KYNU: variants seen among roughly 807,000 people sequenced by gnomAD.
The protein encoded by KYNU is kynureninase, also known as L-kynurenine hydrolase.
In KYNU, 54 loss-of-function variants were observed where a neutral mutation model predicts 59.2. That is an observed-to-expected ratio of 0.91 (90% CI 0.73 to 1.14). KYNU has a LOEUF of 1.14. Ranked by LOEUF, KYNU falls within the 50% of genes most tolerant of loss-of-function variation. The pLI is 0.00. For synonymous variants in KYNU, 177 were observed against 192.0 expected (o/e 0.92, Z 0.65); for missense variants, 567 against 554.4 (o/e 1.02, Z -0.23).
At position 142,954,996 on chromosome 2, in the gene KYNU, T is replaced by G. The variant is rs74599345; in HGVS notation, c.435+125T>G. The stretch of plus-strand genomic sequence containing the variant: ...AAAATAAATTGTGAGGTTATTTTCA[T>G]TTTTACTAGGAAATGCTGGACCATG... On this transcript the variant is annotated intron_variant, in intron 5 of 13. Transcript: ENST00000264170. 6 of 673,458 alleles carry G rather than the reference T, an allele frequency of 8.9e-6. No homozygotes were observed. In the African/African-American group the frequency reaches 1.1e-4, roughly 12 times the overall value. The allele number at this position is 673,458 out of a possible 1,614,324, so 41.7% of individuals were successfully genotyped here.
intron 2 of KYNU, among the ~76,000 whole-genome samples, chr2:142,908,669 C>G (rs577769199): frequency 1.3e-4 from 19 of 151,074 alleles, no homozygotes; most frequent in African/African-American, 4.6e-4. Context: ...GAGTCTTGCT[C>G]TGTTGCCCAG....
chr2:142,972,674 G>A (rs1684759105), intron 8 of KYNU, among the ~76,000 whole-genome samples: 1 of 151,926 alleles, frequency 6.6e-6, no homozygotes, highest in Non-Finnish European at 1.5e-5. Context: ...GTAAAGGCTA[G>A]AATTTGTGTC....
At chr2:142,902,973 T>C (rs1298129609) in intron 2 of KYNU, among the ~76,000 whole-genome samples, 1 of 152,130 alleles carries the variant, frequency 6.6e-6, no homozygotes, top group Non-Finnish European at 1.5e-5. Flanking sequence ...TCCAGGACTG[T>C]AAACCACTCT....
At chr2:142,936,410 T>TTA (rs1683391840) in intron 4 of KYNU, among the ~76,000 whole-genome samples, 1 of 151,936 alleles carries the variant, frequency 6.6e-6, no homozygotes, top group Non-Finnish European at 1.5e-5. Flanking sequence ...GTTTGCAGGG[T>TTA]TCTTTTATGA....
chr2:142,960,516 A>AG, intron 7 of KYNU, 108 bp from the exon 8 acceptor site: 1 of 988,186 alleles, frequency 1.0e-6, no homozygotes, highest in East Asian at 2.6e-5. Flanking sequence ...CTGAAAAAAA[A>AG]AACTATTTTA....
chr2:142,994,360 C>A (rs1215887000), intron 10 of KYNU, among the ~76,000 whole-genome samples: 2 of 152,062 alleles, frequency 1.3e-5, no homozygotes, highest in Non-Finnish European at 2.9e-5. Context: ...AACTTCTAAA[C>A]CACGTGATCC....
At position 143,042,032 on chromosome 2, in the gene KYNU, A is replaced by AT. The variant is rs1558989787; in HGVS notation, c.1273-9dup. On this transcript the variant is annotated splice_polypyrimidine_tract_variant and intron_variant, in intron 13 of 13. Transcript: ENST00000264170. ...ATAATGCTAACATTATTGTGGCTTT[A>AT]TTTTTTCCCCACAGTGTGACAAGCG... 6.2e-7 allele frequency: 1 copy of AT among 1,610,910 alleles called. No homozygotes were observed. Among genetic ancestry groups the AT allele is most frequent in the Non-Finnish European group, 8.5e-7 (1 of 1,177,864 alleles).
chr2:142,986,168 A>T, intron 10 of KYNU, 147 bp downstream of exon 10: 1 of 632,274 alleles, frequency 1.6e-6, no homozygotes, highest in Non-Finnish European at 2.9e-6. Flanking sequence ...TAACAACAAT[A>T]TACTTCATTT....
chr2:143,022,147 T>C (rs1686428742), intron 10 of KYNU, among the ~76,000 whole-genome samples: 1 of 152,182 alleles, frequency 6.6e-6, no homozygotes, highest in East Asian at 1.9e-4. Flanking sequence ...ACTTCGGTGT[T>C]GCTAAATCAG....
chr2:142,929,916 G>C (rs925306989), intron 4 of KYNU, among the ~76,000 whole-genome samples: 1 of 152,160 alleles, frequency 6.6e-6, no homozygotes, highest in African/African-American at 2.4e-5. Flanking sequence ...TAGTCTCTCA[G>C]TTCATCTCTT....
intron 4 of KYNU, among the ~76,000 whole-genome samples, chr2:142,936,975 G>A (rs1042636305): frequency 3.9e-5 from 6 of 152,206 alleles, no homozygotes; most frequent in African/African-American, 1.2e-4. Context: ...TTTAATGAGC[G>A]CCTGGGTGCA....
intron 4 of KYNU, among the ~76,000 whole-genome samples, chr2:142,937,472 G>A (rs745405320): frequency 1.3e-5 from 2 of 150,162 alleles, no homozygotes; most frequent in African/African-American, 4.9e-5. Context: ...ACCCCATCAC[G>A]TGCAGAACAC....
rs967442607 is a variant in KYNU, at chr2:142,918,646, C to A, written c.207C>A (p.Ile69=). The A allele has an allele frequency of 4.4e-6, 7 of 1,601,902 alleles. No individual in the cohort carries two copies. In the African/African-American group the frequency reaches 8.1e-5, roughly 19 times the overall value. Residue 69 remains isoleucine (I), a synonymous_variant, in exon 3 of 14, where the codon ATC becomes ATA. Coordinates refer to ENST00000264170, the MANE Select transcript of KYNU (RefSeq NM_003937.3). The part of the protein sequence containing the change: ...LSLVNKDENA[I]YFLGNSLGLQ... ...TAGTGAATAAAGATGAAAATGCCAT[C>A]TATTTCTTGGGAAATTCTCTTGGCC... is the stretch of plus-strand genomic sequence containing the variant.
chr2:143,033,803 A>G (rs1686822719), intron 12 of KYNU, among the ~76,000 whole-genome samples: 1 of 152,190 alleles, frequency 6.6e-6, no homozygotes, highest in Non-Finnish European at 1.5e-5. Flanking sequence ...GTACCATGTG[A>G]CAAAGCTAGG....
intron 10 of KYNU, among the ~76,000 whole-genome samples, chr2:142,987,699 G>A (rs751381140): frequency 2.0e-5 from 3 of 151,836 alleles, no homozygotes; most frequent in African/African-American, 4.8e-5. Flanking sequence ...AAAATGAGAT[G>A]ATGTATGTAA....
At chr2:143,027,520 C>T (rs1686610926) in intron 10 of KYNU, among the ~76,000 whole-genome samples, 1 of 152,176 alleles carries the variant, frequency 6.6e-6, no homozygotes, top group Non-Finnish European at 1.5e-5. Context: ...TATAAACTGC[C>T]TGTCCCTGCT....
At chr2:142,933,582 G>T (rs2105030257) in intron 4 of KYNU, among the ~76,000 whole-genome samples, 1 of 152,284 alleles carries the variant, frequency 6.6e-6, no homozygotes, top group Non-Finnish European at 1.5e-5. Flanking sequence ...GGTTCACGGG[G>T]TAAGAGCTAG....
rs371502172 is a variant in KYNU, at chr2:143,042,027, G to C, written c.1273-20G>C. On this transcript the variant is annotated intron_variant, in intron 13 of 13. Coordinates refer to ENST00000264170, the MANE Select transcript of KYNU (RefSeq NM_003937.3). ...TGTGAATAATGCTAACATTATTGTG[G>C]CTTTATTTTTTCCCCACAGTGTGAC... 3.2e-5 allele frequency: 52 copies of C among 1,610,398 alleles called. No individual in the cohort carries two copies. The highest frequency in any genetic ancestry group is 2.3e-4 in the Admixed American group (14 of 59,782).
At chr2:142,988,793 T>G (rs991197294) in intron 10 of KYNU, 58 of 1,288,776 alleles carry the variant, frequency 4.5e-5, no homozygotes, top group Non-Finnish European at 6.4e-5. Context: ...ACTTCTAGCC[T>G]TGGCTCTCTA....
Sources: gnomAD v4.1 joint callset for allele counts (sites outside exome capture counted in the v4.1 genomes callset) on GRCh38, gnomAD v4.1.1 for gene constraint, MANE v1.5 for transcripts, NCBI Gene and HGNC (gene_info 2026-07-23, HGNC 2026-07-21) for gene names.